DNAH10: variants seen among roughly 807,000 people sequenced by gnomAD.
The protein encoded by DNAH10 is dynein axonemal heavy chain 10, also known as axonemal beta dynein heavy chain 10.
DNAH10 carries 348 observed loss-of-function variants against 506.6 expected under a neutral mutation model. That is an observed-to-expected ratio of 0.69 (90% CI 0.63 to 0.75). The LOEUF (loss-of-function observed/expected upper bound fraction) is 0.75, where lower values mean the gene tolerates loss of function less well. DNAH10 is among the 30% of genes least tolerant of loss of function. The pLI is 0.00. For synonymous variants in DNAH10, 2,059 were observed against 2,198.6 expected, an observed-to-expected ratio of 0.94 and a Z score of 1.78; for missense variants, 5,179 against 5,787.1, an observed-to-expected ratio of 0.89 and a Z score of 3.41.
Position 123,833,306 on chromosome 12 carries a change from A to C in DNAH10, c.4738A>C (p.Lys1580Gln). ...GGGGCCTTTTCTGCAAACTGTTCAC[A>C]AATGGGAAAAAACGCTTTCTCTAAT... Reference protein sequence around the residue: ...FVGPFLQTVHKWEKTLSLIGE... With the variant: ...FVGPFLQTVHQWEKTLSLIGE... Residue 1580 changes from lysine (K) to glutamine (Q), a missense_variant, in exon 27 of 79, where the codon AAA becomes CAA. Physicochemically the swap from Lys to Gln is moderately conservative, Grantham distance 53. This residue lies in a region of DNAH10 where 4,844 missense variants were observed against 5,430.5 expected (regional missense o/e 0.89). Transcript: ENST00000673944. 6.2e-7 allele frequency: 1 copy of C among 1,613,554 alleles called. No individual in the cohort carries two copies. The highest frequency in any genetic ancestry group is 8.5e-7 in the Non-Finnish European group (1 of 1,179,724).
intron 10 of DNAH10, 72 bp from the exon 11 acceptor site, chr12:123,789,855 A>G: frequency 7.2e-7 from 1 of 1,393,694 alleles, no homozygotes; most frequent in Non-Finnish European, 1.0e-6. Flanking sequence ...TCGATATGCT[A>G]TCCATTTGTA....
intron 5 of DNAH10, among the ~76,000 whole-genome samples, chr12:123,777,998 A>G (rs1346916521): frequency 6.6e-6 from 1 of 152,132 alleles, no homozygotes; most frequent in Non-Finnish European, 1.5e-5. Flanking sequence ...TGAACTTTTC[A>G]TTCTAAAATA....
At chr12:123,849,106 A>G (rs914947880) in intron 34 of DNAH10, among the ~76,000 whole-genome samples, 1 of 152,212 alleles carries the variant, frequency 6.6e-6, no homozygotes, top group Admixed American at 6.5e-5. Flanking sequence ...CTCCAGACAC[A>G]GAACCAATAG....
At chr12:123,864,978 A>G (rs1951747646) in intron 40 of DNAH10, among the ~76,000 whole-genome samples, 1 of 152,212 alleles carries the variant, frequency 6.6e-6, no homozygotes, top group Non-Finnish European at 1.5e-5. Context: ...CAGGCTTAGC[A>G]TGATATTCTT....
At chr12:123,781,004 AAACCAGAGGCAAT>A in intron 5 of DNAH10, 63 bp from the exon 6 acceptor site, 1 of 1,223,198 alleles carries the variant, frequency 8.2e-7, no homozygotes, top group South Asian at 1.6e-5. Context: ...AGAATATTCA[AAACCAGAGGCAAT>A]TTGAATACAT....
In DNAH10 at chr12:123,875,346, T is replaced by C; in HGVS notation, c.8054T>C (p.Phe2685Ser). The change falls in exon 47 of 79, where the codon TTT (phenylalanine) becomes TCT (serine). Residue 2685 changes from phenylalanine (F) to serine (S), a missense_variant. This residue lies in a region of DNAH10 where 4,844 missense variants were observed against 5,430.5 expected (regional missense o/e 0.89). Transcript: ENST00000673944. Reference protein sequence around the residue: ...LNCKSIRDLGFIAAMGKAGGG... With the variant: ...LNCKSIRDLGSIAAMGKAGGG... ...TGTAAAAGCATTCGAGACCTTGGCTTTATTGCTGCAATGGGAAAGGCTGGA... is the reference window on the plus strand; with the variant it reads ...TGTAAAAGCATTCGAGACCTTGGCTCTATTGCTGCAATGGGAAAGGCTGGA... 6.2e-7 allele frequency: 1 copy of C among 1,614,012 alleles called. No homozygotes were observed. The highest frequency in any genetic ancestry group is 8.5e-7 in the Non-Finnish European group (1 of 1,179,902).
At chr12:123,930,874 T>G (rs373868248) in intron 73 of DNAH10, among the ~76,000 whole-genome samples, 1 of 152,020 alleles carries the variant, frequency 6.6e-6, no homozygotes, top group Non-Finnish European at 1.5e-5. Context: ...TGTGGTAGTG[T>G]AGAATTTTTA....
At position 123,877,752 on chromosome 12, in the gene DNAH10, T is replaced by C. The variant is rs1952322413; in HGVS notation, c.8216T>C (p.Ile2739Thr). 1.2e-6 allele frequency: 2 copies of C among 1,613,474 alleles called. No individual in the cohort carries two copies. Among genetic ancestry groups the C allele is most frequent in the Non-Finnish European group, 1.7e-6 (2 of 1,179,750 alleles). The change falls in exon 48 of 79, where the codon ATT (isoleucine) becomes ACT (threonine). Residue 2739 changes from isoleucine to threonine, a missense_variant. Ile to Thr is a moderately conservative substitution (Grantham distance 89). This residue lies in a region of DNAH10 where 4,844 missense variants were observed against 5,430.5 expected (regional missense o/e 0.89). Coordinates refer to ENST00000673944, the MANE Select transcript of DNAH10 (RefSeq NM_001372106.1). ...KGHTSTFHES[I>T]VAVSGKLTFC... ...ATTTTTCAGACGTTTCATGAGAGCA[T>C]TGTGGCTGTGAGTGGCAAGCTGACA...
At chr12:123,824,273 C>T in intron 24 of DNAH10, among the ~76,000 whole-genome samples, 1 of 152,106 alleles carries the variant, frequency 6.6e-6, no homozygotes, top group East Asian at 1.9e-4. Context: ...TGGAGTCACT[C>T]TTAAGGGAAG....
chr12:123,804,597 T>A (rs12099921), intron 17 of DNAH10, among the ~76,000 whole-genome samples: 22,293 of 151,642 alleles, frequency 0.15, 3,680 homozygotes, highest in African/African-American at 0.41. Context: ...ATGTCAACAA[T>A]GAATTGAAGA....
At chr12:123,827,314 T>C (rs1439233072) in intron 25 of DNAH10, among the ~76,000 whole-genome samples, 1 of 152,198 alleles carries the variant, frequency 6.6e-6, no homozygotes, top group African/African-American at 2.4e-5. Context: ...ACTCAATATA[T>C]CCCAAACATT....
intron 65 of DNAH10, 24 bp from the exon 66 acceptor site, chr12:123,923,739 T>C: frequency 6.5e-7 from 1 of 1,528,266 alleles, no homozygotes; most frequent in Non-Finnish European, 8.9e-7. Flanking sequence ...AAGAAATCAA[T>C]ACTCATCTGA....
chr12:123,840,186 C>G (rs1057202078), intron 29 of DNAH10, among the ~76,000 whole-genome samples: 1 of 151,924 alleles, frequency 6.6e-6, no homozygotes, highest in African/African-American at 2.4e-5. Flanking sequence ...TTGCCAATGT[C>G]CCCTGGTGGC....
rs1952420604 is a variant in DNAH10 at position 123,879,760 on chromosome 12, G to A, written c.8593G>A (p.Glu2865Lys). The A allele has an allele frequency of 1.2e-6, 2 of 1,614,060 alleles. No homozygotes were observed. The highest frequency in any genetic ancestry group is 1.7e-6 in the Non-Finnish European group (2 of 1,179,902). ...ALHEGEPRIYEDIQDYEAAKA... is the reference protein window; with the variant it reads ...ALHEGEPRIYKDIQDYEAAKA... ...GCACGAAGGAGAACCACGCATTTAT[G>A]AAGACATCCAGGACTACGAGGCGGC... Residue 2865 changes from glutamate to lysine, a missense_variant, in exon 50 of 79, where the codon GAA (glutamate) becomes AAA (lysine). Glu to Lys is a moderately conservative substitution (Grantham distance 56). Coordinates refer to ENST00000673944, the MANE Select transcript of DNAH10 (RefSeq NM_001372106.1).
At position 123,849,583 on chromosome 12, in the gene DNAH10, C is replaced by T. The variant is rs1239836932; in HGVS notation, c.6102+701C>T. On this transcript the variant is annotated intron_variant, in intron 34 of 78. Transcript: ENST00000673944. ...TCTGGGTCCCTTGCTGTCCTTCTGC[C>T]TCTGTCCTCCCCCCTCCATGCCCTG... is the stretch of plus-strand genomic sequence containing the variant. Among the ~76,000 whole-genome samples, 3 of 152,202 alleles carry T rather than the reference C, an allele frequency of 2.0e-5. No individual in the cohort carries two copies. The East Asian group carries it at 5.8e-4, about 29-fold the overall frequency.
At chr12:123,869,693 G>C (rs181419903) in intron 43 of DNAH10, among the ~76,000 whole-genome samples, 1 of 152,234 alleles carries the variant, frequency 6.6e-6, no homozygotes, top group Non-Finnish European at 1.5e-5. Context: ...CCCCAGCCAA[G>C]GCCAACCCAG....
intron 6 of DNAH10, among the ~76,000 whole-genome samples, chr12:123,782,317 T>TTGCCC (rs1394706765): frequency 1.5e-5 from 2 of 133,566 alleles, no homozygotes. Flanking sequence ...TGTTCTCCTT[T>TTGCCC]TGCCCTGCCC....
At chr12:123,871,373 G>A (rs1397273648) in intron 44 of DNAH10, 84 bp from the exon 45 acceptor site, 9 of 1,463,506 alleles carry the variant, frequency 6.1e-6, no homozygotes, top group African/African-American at 1.4e-5. Context: ...GGGATTTGTG[G>A]GGTTCTAGGA....
chr12:123,813,483 G>A lies in DNAH10; in HGVS notation c.3464G>A (p.Arg1155His), dbSNP rs143713799. 23,138 of 1,614,160 alleles carry A rather than the reference G, an allele frequency of 0.014. 265 individuals carry two copies. Among genetic ancestry groups the A allele is most frequent in the South Asian group, 0.042 (3,800 of 91,080 alleles). Residue 1155 changes from arginine to histidine, a missense_variant, in exon 20 of 79, where the codon CGC (arginine) becomes CAC (histidine). By Grantham distance (29) the Arg-to-His change is conservative. Coordinates refer to ENST00000673944, the MANE Select transcript of DNAH10 (RefSeq NM_001372106.1). Reference protein sequence around the residue: ...FYSKIAYEVMRHPLIKDEHCI... With the variant: ...FYSKIAYEVMHHPLIKDEHCI... ...TCCAAGATAGCTTATGAGGTTATGC[G>A]CCACCCTCTAATTAAGGATGAGCAT...
Sources: gnomAD v4.1 joint callset for allele counts (sites outside exome capture counted in the v4.1 genomes callset) on GRCh38, gnomAD v4.1.1 for gene constraint, gnomAD v4.1.1 regional missense constraint, MANE v1.5 for transcripts, NCBI Gene and HGNC (gene_info 2026-07-23, HGNC 2026-07-21) for gene names.